The following SLC47A2 variants were observed in gnomAD, a reference collection of about 807,000 sequenced individuals.
SLC47A2 encodes the protein solute carrier family 47 member 2.
SLC47A2 carries 52 observed loss-of-function variants against 67.7 expected under a neutral mutation model. The ratio of observed to expected loss-of-function variants is 0.77; its 90% CI spans 0.61 to 0.97. SLC47A2 has a LOEUF of 0.97. Ranked by LOEUF, SLC47A2 falls within the 50% of genes least tolerant of loss-of-function variation. The pLI, the probability that SLC47A2 is intolerant of heterozygous loss-of-function variation, is 0.00. For synonymous variants in SLC47A2, 278 were observed against 292.9 expected (o/e 0.95, Z 0.52); for missense variants, 676 against 712.3 (o/e 0.95, Z 0.58).
At chr17:19,707,136 G>A (rs1445535902) in intron 8 of SLC47A2, among the ~76,000 whole-genome samples, 3 of 152,080 alleles carry the variant, frequency 2.0e-5, no homozygotes, top group Non-Finnish European at 4.4e-5. Context: ...TGAGATCAAG[G>A]ATGCTGAAGG....
intron 3 of SLC47A2, 115 bp downstream of exon 3, chr17:19,714,606 G>A (rs1197172432): frequency 4.2e-6 from 5 of 1,203,198 alleles, no homozygotes; most frequent in Non-Finnish European, 6.1e-6. Context: ...TGACCCCAGG[G>A]CCCATTGCTC....
At chr17:19,716,409 T>A (rs1165282846) in intron 1 of SLC47A2, 24 bp downstream of exon 1, 2 of 1,599,182 alleles carry the variant, frequency 1.3e-6, no homozygotes, top group Non-Finnish European at 1.7e-6. Context: ...ACTCCCTACC[T>A]GCCCCCCAGC....
chr17:19,716,240 A>C (rs1015017346), intron 1 of SLC47A2, 193 bp downstream of exon 1: 1 of 872,386 alleles, frequency 1.1e-6, no homozygotes, highest in South Asian at 2.0e-5. Context: ...GTCAGGCCCC[A>C]CTGCCACTGG....
chr17:19,708,511 T>C, intron 6 of SLC47A2, 112 bp from the exon 7 acceptor site: 1 of 1,613,888 alleles, frequency 6.2e-7, no homozygotes, highest in African/African-American at 1.3e-5. Context: ...GCCATCCCTG[T>C]TGAGGAGTTG....
At chr17:19,679,827 A>G in intron 16 of SLC47A2, 125 bp downstream of exon 16, 1 of 910,954 alleles carries the variant, frequency 1.1e-6, no homozygotes, top group Middle Eastern at 2.2e-4. Flanking sequence ...TTTCATAATA[A>G]TGGGAAGAAA....
chr17:19,694,135 A>G (rs897648592), intron 13 of SLC47A2, among the ~76,000 whole-genome samples: 1 of 152,202 alleles, frequency 6.6e-6, no homozygotes, highest in Non-Finnish European at 1.5e-5. Context: ...GTTCTAAATA[A>G]CTAGAGACAT....
chr17:19,679,957 G>A lies in SLC47A2; in HGVS notation c.1475C>T (p.Ser492Phe). Residue 492 changes from serine to phenylalanine, a missense_variant, in exon 16 of 17, where the codon TCT (serine) becomes TTT (phenylalanine). By Grantham distance (155) the Ser-to-Phe change is radical. Transcript: ENST00000433844. ...AGCAGCGGTGACAGTATTACCTGAA[G>A]ATAGGACTGCTTTCTCAGGCCCAGG... The part of the protein sequence containing the change: ...TRPGPEKAVL[S>F]SVATGSSPGI... 6.2e-7 allele frequency: 1 copy of A among 1,613,660 alleles called. No homozygotes were observed. Among genetic ancestry groups the A allele is most frequent in the East Asian group, 2.2e-5 (1 of 44,844 alleles).
At chr17:19,706,907 A>T (rs966456112) in intron 8 of SLC47A2, 146 bp from the exon 9 acceptor site, 7 of 611,534 alleles carry the variant, frequency 1.1e-5, no homozygotes, top group Admixed American at 3.2e-5. Context: ...TTGCAGAGGG[A>T]ATGCAGCTGG....
chr17:19,680,136 C>T, intron 15 of SLC47A2, 97 bp from the exon 16 acceptor site: 1 of 1,197,008 alleles, frequency 8.4e-7, no homozygotes, highest in Non-Finnish European at 1.2e-6. Flanking sequence ...ACATTGCAAG[C>T]TGAAGCAGCA....
At chr17:19,701,579 C>T (rs1041002312) in intron 13 of SLC47A2, among the ~76,000 whole-genome samples, 4 of 152,080 alleles carry the variant, frequency 2.6e-5, no homozygotes, top group African/African-American at 9.7e-5. Flanking sequence ...GGGGTGTGTT[C>T]CTGAAGAATT....
intron 13 of SLC47A2, among the ~76,000 whole-genome samples, chr17:19,699,051 A>G (rs2085728713): frequency 6.6e-6 from 1 of 152,180 alleles, no homozygotes; most frequent in African/African-American, 2.4e-5. Flanking sequence ...CCAATTGCCC[A>G]AGGATACCTA....
At chr17:19,700,399 C>T (rs907854107) in intron 13 of SLC47A2, among the ~76,000 whole-genome samples, 3 of 152,196 alleles carry the variant, frequency 2.0e-5, no homozygotes, top group African/African-American at 7.2e-5. Flanking sequence ...AAACCTGACT[C>T]GGAGTTTCTT....
intron 13 of SLC47A2, among the ~76,000 whole-genome samples, chr17:19,701,437 C>A (rs777144455): frequency 2.0e-5 from 3 of 152,100 alleles, no homozygotes; most frequent in Non-Finnish European, 4.4e-5. Flanking sequence ...AATATGATTT[C>A]TTTCAGTAGA....
chr17:19,702,687 T>G lies in SLC47A2; in HGVS notation c.1095-13A>C. ...GGCAATGACATCTCTGCAGAAGAAA[T>G]GAGAAAGCATTAAGACACAGATGTA... is the stretch of plus-strand genomic sequence containing the variant. On this transcript the variant is annotated splice_polypyrimidine_tract_variant and intron_variant, in intron 12 of 16. Transcript: ENST00000433844. 6.2e-7 allele frequency: 1 copy of G among 1,613,490 alleles called. No homozygotes were observed. The highest frequency in any genetic ancestry group is 1.1e-5 in the South Asian group (1 of 90,866).
intron 10 of SLC47A2, chr17:19,704,821 GC>G (rs2085885229): frequency 3.1e-5 from 13 of 418,610 alleles, no homozygotes; most frequent in South Asian, 6.2e-5. Context: ...GATGGAATGT[GC>G]TTTTTTTTTT....
intron 4 of SLC47A2, among the ~76,000 whole-genome samples, chr17:19,713,416 C>A (rs72841915): frequency 0.22 from 30,967 of 140,670 alleles, 3,340 homozygotes; most frequent in Middle Eastern, 0.31. Flanking sequence ...TAATAATAAT[C>A]ATCATCATCA....
intron 5 of SLC47A2, among the ~76,000 whole-genome samples, chr17:19,711,296 G>A (rs1188753332): frequency 6.6e-6 from 1 of 151,662 alleles, no homozygotes; most frequent in Non-Finnish European, 1.5e-5. Context: ...TTCATTATCA[G>A]TAAAAGAAAT....
chr17:19,714,300 G>A, intron 3 of SLC47A2: 2 of 382,168 alleles, frequency 5.2e-6, no homozygotes, highest in East Asian at 4.7e-5. Flanking sequence ...AGGCCTTGCC[G>A]CTTTGTGACC....
In SLC47A2 at chr17:19,703,146, C is replaced by T. The variant is rs2085832583; in HGVS notation, c.1040G>A (p.Gly347Asp). The T allele has an allele frequency of 6.2e-7, 1 of 1,613,986 alleles. No individual in the cohort carries two copies. The highest frequency in any genetic ancestry group is 8.5e-7 in the Non-Finnish European group (1 of 1,180,028). Residue 347 changes from glycine to aspartate, a missense_variant, in exon 12 of 17, where the codon GGC becomes GAC. By Grantham distance (94) the Gly-to-Asp change is moderately conservative. Transcript: ENST00000433844. ...ATTTTTCAGGATGCTTATCAGGGTGCCCAGGACCAGGGAAATGCCAACTGG... is the reference window on the plus strand; with the variant it reads ...ATTTTTCAGGATGCTTATCAGGGTGTCCAGGACCAGGGAAATGCCAACTGG... The part of the protein sequence containing the change: ...LSIVGISLVL[G>D]TLISILKNQL...
Sources: gnomAD v4.1 joint callset for allele counts (sites outside exome capture counted in the v4.1 genomes callset) on GRCh38, gnomAD v4.1.1 for gene constraint, MANE v1.5 for transcripts, NCBI Gene and HGNC (gene_info 2026-07-23, HGNC 2026-07-21) for gene names.